EFNA5: variants seen among roughly 807,000 people sequenced by gnomAD.
EFNA5 encodes ephrin-A5.
Under a neutral mutation model 22.9 loss-of-function variants are expected in EFNA5, and 5 were observed. That is an observed-to-expected ratio of 0.22 (90% CI 0.11 to 0.46). The LOEUF is 0.46. Ranked by LOEUF, EFNA5 falls within the 20% of genes least tolerant of loss-of-function variation. The pLI, the probability that EFNA5 is intolerant of heterozygous loss-of-function variation, is 0.99. For missense variants in EFNA5, 237 were observed against 293.3 expected, an observed-to-expected ratio of 0.81 and a Z score of 1.40; for synonymous variants, 113 against 112.2, an observed-to-expected ratio of 1.01 and a Z score of -0.04.
chr5:107,476,995 G>C (rs2112393832), intron 1 of EFNA5, among the ~76,000 whole-genome samples: 1 of 152,280 alleles, frequency 6.6e-6, no homozygotes, highest in South Asian at 2.1e-4. Context: ...TGCTGATTTA[G>C]TGTCTATTTG....
intron 1 of EFNA5, among the ~76,000 whole-genome samples, chr5:107,569,150 T>A (rs1435156520): frequency 1.3e-5 from 2 of 151,786 alleles, no homozygotes; most frequent in Non-Finnish European, 2.9e-5. Context: ...GAAACAAGAA[T>A]CTGGGTTTTG....
intron 1 of EFNA5, among the ~76,000 whole-genome samples, chr5:107,433,051 T>C (rs1749005057): frequency 6.6e-6 from 1 of 152,232 alleles, no homozygotes; most frequent in African/African-American, 2.4e-5. Context: ...ACATAGAAAA[T>C]ATGCATTGAC....
chr5:107,403,325 C>G (rs918608737), intron 2 of EFNA5, among the ~76,000 whole-genome samples: 1 of 152,240 alleles, frequency 6.6e-6, no homozygotes, highest in East Asian at 1.9e-4. Flanking sequence ...ATTATGTCTG[C>G]CAATGATTAC....
intron 1 of EFNA5, among the ~76,000 whole-genome samples, chr5:107,523,321 A>C (rs1379118408): frequency 6.6e-6 from 1 of 151,978 alleles, no homozygotes; most frequent in African/African-American, 2.4e-5. Context: ...AAATAGTCTC[A>C]GATATTCAAC....
intron 1 of EFNA5, among the ~76,000 whole-genome samples, chr5:107,599,312 G>A (rs1336077180): frequency 6.6e-6 from 1 of 152,176 alleles, no homozygotes; most frequent in Non-Finnish European, 1.5e-5. Context: ...CTTTATCCAG[G>A]TATGGACATA....
At chr5:107,479,709 A>G (rs1269172252) in intron 1 of EFNA5, among the ~76,000 whole-genome samples, 2 of 152,136 alleles carry the variant, frequency 1.3e-5, no homozygotes, top group African/African-American at 2.4e-5. Flanking sequence ...ATATTACCTA[A>G]CCAGGGGTTG....
chr5:107,484,292 G>C (rs1746516198), intron 1 of EFNA5, among the ~76,000 whole-genome samples: 1 of 152,192 alleles, frequency 6.6e-6, no homozygotes, highest in Non-Finnish European at 1.5e-5. Flanking sequence ...CAGTGAGAGA[G>C]GGCGCCTGGT....
At position 107,531,485 on chromosome 5, in the gene EFNA5, C is replaced by T. The variant is rs371560746; in HGVS notation, c.126-103976G>A. Among the ~76,000 whole-genome samples the T allele has an allele frequency of 4.1e-4, 63 of 152,260 alleles. 2 individuals carry two copies. In the South Asian group the frequency reaches 9.3e-3, roughly 23 times the overall value. ...GGCTGGAAGAGACTGTTTCAGGAAA[C>T]GTGATACCTATCCTCCAATACCTGA... On this transcript the variant is annotated intron_variant, in intron 1 of 4. Transcript: ENST00000333274.
chr5:107,472,715 T>C (rs1011482080), intron 1 of EFNA5, among the ~76,000 whole-genome samples: 1 of 152,204 alleles, frequency 6.6e-6, no homozygotes, highest in Non-Finnish European at 1.5e-5. Flanking sequence ...TAGAGACATC[T>C]GCAGCACAGA....
At chr5:107,637,837 T>TTGTA (rs200731257) in intron 1 of EFNA5, among the ~76,000 whole-genome samples, 1 of 147,678 alleles carries the variant, frequency 6.8e-6, no homozygotes, top group Non-Finnish European at 1.5e-5. Context: ...AACAGTTTAT[T>TTGTA]TTTATTTATT....
chr5:107,547,427 G>A (rs1396310446), intron 1 of EFNA5, among the ~76,000 whole-genome samples: 1 of 151,912 alleles, frequency 6.6e-6, no homozygotes, highest in Non-Finnish European at 1.5e-5. Context: ...GTGTGATGGT[G>A]TCACATAGTA....
At chr5:107,620,611 C>A (rs919868134) in intron 1 of EFNA5, among the ~76,000 whole-genome samples, 15 of 152,142 alleles carry the variant, frequency 9.9e-5, no homozygotes, top group African/African-American at 2.7e-4. Flanking sequence ...CTGCAAAAGA[C>A]CCTTATTCAA....
chr5:107,436,276 A>G (rs1337938467), intron 1 of EFNA5, among the ~76,000 whole-genome samples: 1 of 152,224 alleles, frequency 6.6e-6, no homozygotes, highest in East Asian at 1.9e-4. Flanking sequence ...GAAAGAAAGC[A>G]TTAAATTGGC....
chr5:107,541,530 A>G (rs962436626), intron 1 of EFNA5, among the ~76,000 whole-genome samples: 3 of 152,346 alleles, frequency 2.0e-5, no homozygotes, highest in East Asian at 3.9e-4. Flanking sequence ...TGATATAGTC[A>G]GTTTTCTCTA....
Position 107,670,687 on chromosome 5 carries a change from G to A in EFNA5, c.-74C>T. 6.4e-7 allele frequency: 1 copy of A among 1,554,470 alleles called. No homozygotes were observed. Among genetic ancestry groups the A allele is most frequent in the Non-Finnish European group, 8.7e-7 (1 of 1,150,530 alleles). On this transcript the variant is annotated 5_prime_UTR_variant, in exon 1 of 5. Coordinates refer to ENST00000333274, the MANE Select transcript of EFNA5 (RefSeq NM_001962.3). ...GCGGGGATCCGGAGGGAGGGAGGCA[G>A]GCAAAGGGACAGAGAGAGAGCGGGC...
intron 1 of EFNA5, among the ~76,000 whole-genome samples, chr5:107,499,250 T>A (rs903299660): frequency 1.3e-5 from 2 of 152,146 alleles, no homozygotes; most frequent in African/African-American, 4.8e-5. Context: ...TGCACAACAA[T>A]AAACCTGCCC....
intron 1 of EFNA5, among the ~76,000 whole-genome samples, chr5:107,477,178 A>T (rs1750335626): frequency 6.6e-6 from 1 of 152,208 alleles, no homozygotes; most frequent in African/African-American, 2.4e-5. Flanking sequence ...GAGAGAAAAA[A>T]AATGTCTTGG....
At chr5:107,572,957 C>T (rs1729250263) in intron 1 of EFNA5, among the ~76,000 whole-genome samples, 1 of 152,060 alleles carries the variant, frequency 6.6e-6, no homozygotes, top group East Asian at 1.9e-4. Flanking sequence ...AAGCTCATTC[C>T]CATCATCATC....
At position 107,511,041 on chromosome 5, in the gene EFNA5, TGA is replaced by T. The variant is rs1554064219; in HGVS notation, c.126-83534_126-83533del. Among the ~76,000 whole-genome samples, 631 of 149,848 alleles carry T rather than the reference TGA, an allele frequency of 4.2e-3. 3 individuals are homozygous for T. The highest frequency in any genetic ancestry group is 0.021 in the Middle Eastern group (6 of 290). On this transcript the variant is annotated intron_variant, in intron 1 of 4. Coordinates refer to ENST00000333274, the MANE Select transcript of EFNA5 (RefSeq NM_001962.3). ...GTGTGTGTGTGTGTGTGTGTGTGTG[TGA>T]GACGGAGAGTTTTGCTCTTGTTGCC...
Sources: gnomAD v4.1 joint callset for allele counts (sites outside exome capture counted in the v4.1 genomes callset) on GRCh38, gnomAD v4.1.1 for gene constraint, MANE v1.5 for transcripts, NCBI Gene and HGNC (gene_info 2026-07-23, HGNC 2026-07-21) for gene names.